LRRFIP1: variants seen among roughly 807,000 people sequenced by gnomAD.
LRRFIP1 encodes the protein leucine-rich repeat flightless-interacting protein 1.
Under a neutral mutation model 104.4 loss-of-function variants are expected in LRRFIP1, and 62 were observed. That is an observed-to-expected ratio of 0.59 (90% CI 0.48 to 0.73). LRRFIP1 has a LOEUF of 0.73. Among genes scored for constraint, LRRFIP1 ranks in the 30% least tolerant of loss-of-function variants. The pLI is 0.00. For synonymous variants in LRRFIP1, 300 were observed against 299.0 expected, an observed-to-expected ratio of 1.00 and a Z score of -0.03; for missense variants, 796 against 824.5, an observed-to-expected ratio of 0.97 and a Z score of 0.42.
At chr2:237,763,921 G>A (rs955401441) in intron 19 of LRRFIP1, 15 of 1,614,116 alleles carry the variant, frequency 9.3e-6, no homozygotes, top group Non-Finnish European at 1.1e-5. Flanking sequence ...GTCCCTCACA[G>A]GACATTAGTG....
chr2:237,725,367 C>T (rs1023654072), intron 7 of LRRFIP1, among the ~76,000 whole-genome samples: 5 of 152,140 alleles, frequency 3.3e-5, no homozygotes, highest in African/African-American at 9.7e-5. Context: ...TACAATAGAG[C>T]GAAGCTTGTT....
rs1026030400 is a variant in LRRFIP1, at chr2:237,717,592, C to T, written c.202-170C>T. On this transcript the variant is annotated intron_variant, in intron 3 of 23. Coordinates refer to ENST00000308482, the MANE Select transcript of LRRFIP1 (RefSeq NM_001137550.2). This position sits in a 1 kb window ranked among gnomAD's most constrained non-coding sequence, Gnocchi z 4.2. ...ACAGCCTGCATGACTGCACGGGTGG[C>T]GGTCCCTGTGGAGAAGCCAGGCCTG... 2.6e-5 allele frequency among the ~76,000 whole-genome samples: 4 copies of T among 152,216 alleles called. No individual in the cohort carries two copies. The highest frequency in any genetic ancestry group is 5.9e-5 in the Non-Finnish European group (4 of 68,046).
intron 1 of LRRFIP1, among the ~76,000 whole-genome samples, chr2:237,693,340 G>A (rs1162048318): frequency 6.6e-6 from 1 of 152,214 alleles, no homozygotes; most frequent in African/African-American, 2.4e-5. Flanking sequence ...ATCATCTACT[G>A]GGTGTGTGTG....
At chr2:237,690,088 C>A (rs73096879) in intron 1 of LRRFIP1, among the ~76,000 whole-genome samples, 5,816 of 152,208 alleles carry the variant, frequency 0.038, 334 homozygotes, top group African/African-American at 0.13. Flanking sequence ...TTTTCAGAAG[C>A]TGGTAACTAG....
At chr2:237,706,180 C>T (rs1264430352) in intron 1 of LRRFIP1, among the ~76,000 whole-genome samples, 1 of 152,156 alleles carries the variant, frequency 6.6e-6, no homozygotes, top group Non-Finnish European at 1.5e-5. Flanking sequence ...CAGAATTCCA[C>T]GTTCCCACAC....
chr2:237,773,451 T>C (rs566913554), intron 22 of LRRFIP1, among the ~76,000 whole-genome samples: 1 of 152,162 alleles, frequency 6.6e-6, no homozygotes, highest in East Asian at 1.9e-4. Flanking sequence ...AGCAGGAGAA[T>C]CGCTTGAACC....
At chr2:237,638,377 C>T (rs1007332858) in intron 1 of LRRFIP1, among the ~76,000 whole-genome samples, 1 of 152,150 alleles carries the variant, frequency 6.6e-6, no homozygotes, top group Non-Finnish European at 1.5e-5. Flanking sequence ...AGTGGGAATG[C>T]GAGTGATAGG....
At chr2:237,760,932 A>T (rs55720048) in intron 19 of LRRFIP1, among the ~76,000 whole-genome samples, 1 of 152,208 alleles carries the variant, frequency 6.6e-6, no homozygotes, top group South Asian at 2.1e-4. Flanking sequence ...ATAATTTGTC[A>T]TAAGAGTTGG....
chr2:237,692,578 C>T, intron 1 of LRRFIP1: 2 of 1,457,156 alleles, frequency 1.4e-6, no homozygotes, highest in Non-Finnish European at 1.8e-6. Context: ...GTTTCAGGGG[C>T]TTCCAGCTCG....
intron 1 of LRRFIP1, among the ~76,000 whole-genome samples, chr2:237,699,724 G>A (rs977972158): frequency 5.9e-5 from 9 of 152,218 alleles, no homozygotes; most frequent in African/African-American, 9.6e-5. Flanking sequence ...GTCTGAATGC[G>A]GGATGGTTGG....
Position 237,727,925 on chromosome 2 carries a change from G to C in LRRFIP1, c.434G>C (p.Arg145Thr). 1.2e-6 allele frequency: 2 copies of C among 1,610,814 alleles called. No individual in the cohort carries two copies. The highest frequency in any genetic ancestry group is 1.7e-6 in the Non-Finnish European group (2 of 1,178,272). Residue 145 changes from arginine (R) to threonine (T), a missense_variant, in exon 8 of 24, where the codon AGA becomes ACA. Coordinates refer to ENST00000308482, the MANE Select transcript of LRRFIP1 (RefSeq NM_001137550.2). ...ELYGSQSLNR[R>T]SGRPSCLYSA... ...TATGGATCACAGTCCCTGAATAGAAGATCTGGCAGGGTTAGTATAGTAAAT... is the reference window on the plus strand; with the variant it reads ...TATGGATCACAGTCCCTGAATAGAACATCTGGCAGGGTTAGTATAGTAAAT...
intron 8 of LRRFIP1, among the ~76,000 whole-genome samples, chr2:237,731,423 A>T (rs1431497110): frequency 6.6e-6 from 1 of 151,482 alleles, no homozygotes; most frequent in African/African-American, 2.4e-5. Context: ...ACTGCTTGCC[A>T]CCTTTCTCAA....
At position 237,750,163 on chromosome 2, in the gene LRRFIP1, A is replaced by G. The variant is rs1200618567; in HGVS notation, c.795+839A>G. On this transcript the variant is annotated intron_variant, in intron 13 of 23. Transcript: ENST00000308482. ...AGGGAGGACGGAGAGGGATTTAAGC[A>G]TCCACCAGAGTTTGGCCAGGGTTAC... Among the ~76,000 whole-genome samples, 6 of 152,152 alleles carry G rather than the reference A, an allele frequency of 3.9e-5. No homozygotes were observed. The East Asian group carries it at 1.2e-3, about 29-fold the overall frequency.
chr2:237,713,468 T>C (rs150492536), intron 2 of LRRFIP1, among the ~76,000 whole-genome samples: 1 of 152,374 alleles, frequency 6.6e-6, no homozygotes, highest in Non-Finnish European at 1.5e-5. Context: ...TTCTTGCTGC[T>C]GACTTGATAA....
chr2:237,693,167 C>T (rs2092932038), intron 1 of LRRFIP1, among the ~76,000 whole-genome samples: 1 of 152,234 alleles, frequency 6.6e-6, no homozygotes, highest in Non-Finnish European at 1.5e-5. Context: ...TGCAAATACA[C>T]ATTTTCATGC....
rs371688790 is a variant in LRRFIP1 at position 237,630,182 on chromosome 2, G to A, written c.96+2442G>A. On this transcript the variant is annotated intron_variant, in intron 1 of 23. Transcript: ENST00000308482. ...CAGATTGATAGGGTTGGAGGGAGCA[G>A]GTGTGACATCTTATGTTTTAGTACA... Among the ~76,000 whole-genome samples the A allele has an allele frequency of 2.1e-4, 32 of 152,330 alleles. No individual in the cohort carries two copies. In the South Asian group the frequency reaches 2.7e-3, roughly 13 times the overall value.
chr2:237,778,260 G>C (rs939288498), intron 23 of LRRFIP1, among the ~76,000 whole-genome samples: 6 of 152,172 alleles, frequency 3.9e-5, no homozygotes, highest in Admixed American at 3.3e-4. Flanking sequence ...AGTGAGGTGG[G>C]GTCGGGACTT....
intron 8 of LRRFIP1, among the ~76,000 whole-genome samples, chr2:237,729,224 G>A (rs1483948214): frequency 6.6e-6 from 1 of 152,200 alleles, no homozygotes; most frequent in African/African-American, 2.4e-5. Flanking sequence ...ATGGCACCCG[G>A]CTGGATGCGA....
rs951723373 is a variant in LRRFIP1 at position 237,661,103 on chromosome 2, G to A, written c.96+33363G>A. Among the ~76,000 whole-genome samples, 2 of 152,118 alleles carry A rather than the reference G, an allele frequency of 1.3e-5. No homozygotes were observed. Among genetic ancestry groups the A allele is most frequent in the African/African-American group, 2.4e-5 (1 of 41,402 alleles). ...ACCGCTTCCTGGGTTGGGCTGCGGG[G>A]AGAGGCCTTGCTACAGTGGGTGCCT... On this transcript the variant is annotated intron_variant, in intron 1 of 23. Coordinates refer to ENST00000308482, the MANE Select transcript of LRRFIP1 (RefSeq NM_001137550.2). The surrounding 1 kb of genome is among the most constrained non-coding windows in gnomAD (Gnocchi z 4.4).
Sources: gnomAD v4.1 joint callset for allele counts (sites outside exome capture counted in the v4.1 genomes callset) on GRCh38, gnomAD v4.1.1 for gene constraint, Gnocchi (gnomAD v3.1) non-coding constraint, MANE v1.5 for transcripts, NCBI Gene and HGNC (gene_info 2026-07-23, HGNC 2026-07-21) for gene names.